The following PHF21B variants were observed in gnomAD, a reference collection of about 807,000 sequenced individuals.
The protein encoded by PHF21B is PHD finger protein 21B.
In PHF21B, 22 loss-of-function variants were observed where a neutral mutation model predicts 62.2. That is an observed-to-expected ratio of 0.35 (90% CI 0.25 to 0.51). The LOEUF is 0.51. Ranked by LOEUF, PHF21B falls within the 20% of genes least tolerant of loss-of-function variation. PHF21B has a pLI of 0.97. For missense variants in PHF21B, 701 were observed against 707.9 expected (o/e 0.99, Z 0.11); for synonymous variants, 341 against 314.7 (o/e 1.08, Z -0.88).
At position 44,920,479 on chromosome 22, in the gene PHF21B, C is replaced by T. The variant is rs760671583; in HGVS notation, c.132G>A (p.Thr44=). The T allele has an allele frequency of 3.1e-6, 5 of 1,610,838 alleles. No homozygotes were observed. The highest frequency in any genetic ancestry group is 3.3e-5 in the Admixed American group (2 of 59,804). ...GACCCGTGACAGGCACTGCAGTGAT[C>T]GTTCCCAAAGCCTGAAACATACAGG... ...AALSDKQALG[T]ITAVPVTGPQ... is the part of the protein sequence containing the mutation. Residue 44 remains threonine (T), a synonymous_variant, in exon 3 of 13, where the codon ACG becomes ACA. Coordinates refer to ENST00000313237, the MANE Select transcript of PHF21B (RefSeq NM_138415.5).
At chr22:44,889,926 G>T (rs916157160) in intron 8 of PHF21B, 144 bp from the exon 9 acceptor site, 9 of 774,902 alleles carry the variant, frequency 1.2e-5, no homozygotes, top group African/African-American at 1.8e-5. Context: ...TGATACCTGG[G>T]CTCTCACCCC....
At chr22:44,974,637 G>A (rs2072703383) in intron 2 of PHF21B, among the ~76,000 whole-genome samples, 1 of 152,128 alleles carries the variant, frequency 6.6e-6, no homozygotes, top group Admixed American at 6.6e-5. Context: ...CACCTGACCT[G>A]CTCATAGATG....
At chr22:44,913,074 G>A (rs1015328478) in intron 5 of PHF21B, among the ~76,000 whole-genome samples, 5 of 152,062 alleles carry the variant, frequency 3.3e-5, no homozygotes, top group Admixed American at 6.5e-5. Flanking sequence ...CTGTCCCCGC[G>A]CCACCATCAG....
chr22:44,916,441 C>G lies in PHF21B; in HGVS notation c.403G>C (p.Glu135Gln). ...AGCGGAGAGGCGAGGGCGGCGGGCTCGGCGAGGGCCTGGGGCTGGCTGCCG... is the reference window on the plus strand; with the variant it reads ...AGCGGAGAGGCGAGGGCGGCGGGCTGGGCGAGGGCCTGGGGCTGGCTGCCG... Reference protein sequence around the residue: ...APGSQPQALAEPAALASPLSS... With the variant: ...APGSQPQALAQPAALASPLSS... Residue 135 changes from glutamate to glutamine, a missense_variant, in exon 4 of 13, where the codon GAG becomes CAG. Coordinates refer to ENST00000313237, the MANE Select transcript of PHF21B (RefSeq NM_138415.5). 6.3e-7 allele frequency: 1 copy of G among 1,597,052 alleles called. No homozygotes were observed. The highest frequency in any genetic ancestry group is 8.5e-7 in the Non-Finnish European group (1 of 1,175,542).
chr22:45,009,722 A>C lies in PHF21B; in HGVS notation c.-173T>G. On this transcript the variant is annotated 5_prime_UTR_variant, in exon 1 of 13. Transcript: ENST00000313237. This position sits in a 1 kb window ranked among gnomAD's most constrained non-coding sequence, Gnocchi z 5.9. ...GGGAAGGGGGCTGGCGAAGGGGAAGACAGGCTTCCGGGCGCCGCGGCGCCG... is the reference window on the plus strand; with the variant it reads ...GGGAAGGGGGCTGGCGAAGGGGAAGCCAGGCTTCCGGGCGCCGCGGCGCCG... The C allele has an allele frequency of 1.8e-6, 1 of 552,504 alleles. No individual in the cohort carries two copies. The highest frequency in any genetic ancestry group is 2.8e-5 in the South Asian group (1 of 35,552). 34.2% of individuals were successfully genotyped at this position (552,504 alleles called of 1,614,324 possible).
At chr22:44,900,548 G>C (rs561417732) in intron 5 of PHF21B, among the ~76,000 whole-genome samples, 5 of 152,158 alleles carry the variant, frequency 3.3e-5, no homozygotes, top group Non-Finnish European at 1.5e-5. Flanking sequence ...TGATCCACCC[G>C]CCTCGGCCTC....
chr22:44,916,785 C>T (rs543866304), intron 3 of PHF21B, among the ~76,000 whole-genome samples, 155 bp from the exon 4 acceptor site: 2 of 152,202 alleles, frequency 1.3e-5, no homozygotes, highest in Non-Finnish European at 2.9e-5. Context: ...GGTGAGACCT[C>T]GACCCCAATG....
chr22:44,967,902 C>T (rs933084400), intron 2 of PHF21B, among the ~76,000 whole-genome samples: 2 of 152,170 alleles, frequency 1.3e-5, no homozygotes, highest in South Asian at 2.1e-4. Context: ...AGAATGTCCT[C>T]TTAGTGGGAT....
rs1446353497 is a variant in PHF21B at position 44,916,986 on chromosome 22, C to T, written c.214-356G>A. On this transcript the variant is annotated intron_variant, in intron 3 of 12. Transcript: ENST00000313237. The stretch of plus-strand genomic sequence containing the variant: ...GCAGATCAAGTCCCAAGCGGCAAAG[C>T]CCCCTTTGGCCTTGGAAGTCTGGAA... 4.6e-5 allele frequency among the ~76,000 whole-genome samples: 7 copies of T among 152,238 alleles called. No homozygotes were observed. In the South Asian group the frequency reaches 8.3e-4, roughly 18 times the overall value.
At chr22:44,972,341 G>A (rs573701551) in intron 2 of PHF21B, among the ~76,000 whole-genome samples, 1 of 152,200 alleles carries the variant, frequency 6.6e-6, no homozygotes, top group Non-Finnish European at 1.5e-5. Context: ...TGACGGATTT[G>A]GGCATTTCGG....
chr22:45,008,851 C>G, intron 1 of PHF21B: 1 of 1,178,940 alleles, frequency 8.5e-7, no homozygotes, highest in Non-Finnish European at 1.0e-6. Context: ...CGAGGCCACC[C>G]GGCGGCGCGC....
intron 5 of PHF21B, among the ~76,000 whole-genome samples, chr22:44,907,481 G>A (rs1206204104): frequency 2.0e-5 from 3 of 152,214 alleles, no homozygotes; most frequent in African/African-American, 2.4e-5. Context: ...GGAGTGGGGC[G>A]TGGGATGTAC....
chr22:44,958,176 T>G (rs1308861626), intron 2 of PHF21B, among the ~76,000 whole-genome samples: 1 of 152,212 alleles, frequency 6.6e-6, no homozygotes, highest in Non-Finnish European at 1.5e-5. Context: ...GTGCTGGGAT[T>G]ACAGGTGTGA....
At chr22:44,991,769 G>C (rs1299560415) in intron 2 of PHF21B, among the ~76,000 whole-genome samples, 1 of 152,242 alleles carries the variant, frequency 6.6e-6, no homozygotes, top group Admixed American at 6.5e-5. Flanking sequence ...CAGCTCCGCT[G>C]GTCCATCCAG....
At position 44,889,796 on chromosome 22, in the gene PHF21B, G is replaced by T. The variant is rs779791993; in HGVS notation, c.1016-14C>A. 1.3e-6 allele frequency: 2 copies of T among 1,551,860 alleles called. No homozygotes were observed. Among genetic ancestry groups the T allele is most frequent in the Non-Finnish European group, 8.6e-7 (1 of 1,157,664 alleles). The stretch of plus-strand genomic sequence containing the variant: ...GGTCCTCATTGGCTAGCACAGGGAA[G>T]AAGGGCGGAGAACACGTTAGTGGCC... On this transcript the variant is annotated splice_polypyrimidine_tract_variant and intron_variant, in intron 8 of 12. Coordinates refer to ENST00000313237, the MANE Select transcript of PHF21B (RefSeq NM_138415.5).
chr22:44,927,478 G>A (rs2071655038), intron 2 of PHF21B, among the ~76,000 whole-genome samples: 1 of 152,120 alleles, frequency 6.6e-6, no homozygotes, highest in African/African-American at 2.4e-5. Context: ...AAAGTCCAAA[G>A]TCCCCATTAT....
intron 2 of PHF21B, among the ~76,000 whole-genome samples, chr22:44,995,827 C>T (rs895470612): frequency 1.5e-5 from 2 of 133,654 alleles, no homozygotes; most frequent in Non-Finnish European, 3.2e-5. Context: ...CCACGTGATT[C>T]GGGGGAAAGA....
intron 2 of PHF21B, among the ~76,000 whole-genome samples, chr22:44,938,346 G>A (rs921795868): frequency 1.3e-5 from 2 of 152,238 alleles, no homozygotes; most frequent in African/African-American, 4.8e-5. Flanking sequence ...CCATTCTCAT[G>A]CCTCAGCCTC....
chr22:44,901,267 T>A (rs1056737813), intron 5 of PHF21B, among the ~76,000 whole-genome samples: 7 of 152,224 alleles, frequency 4.6e-5, no homozygotes, highest in African/African-American at 1.7e-4. Context: ...GCCGTTTTAC[T>A]GGCCTGACCT....
Sources: allele counts gnomAD v4.1 joint callset (sites outside exome capture counted in the v4.1 genomes callset), GRCh38; gene constraint gnomAD v4.1.1; non-coding constraint Gnocchi (gnomAD v3.1); transcripts MANE v1.5; gene names NCBI Gene and HGNC (gene_info 2026-07-23, HGNC 2026-07-21).